Variants in RASA1 observed in about 807,000 individuals in gnomAD.
RASA1 encodes ras GTPase-activating protein 1.
Under a neutral mutation model 132.2 loss-of-function variants are expected in RASA1, and 25 were observed. The ratio of observed to expected loss-of-function variants is 0.19; its 90% CI spans 0.14 to 0.26. The LOEUF (loss-of-function observed/expected upper bound fraction) is 0.26, where lower values mean the gene tolerates loss of function less well. RASA1 is among the 10% of genes least tolerant of loss of function. The pLI is 1.00. For missense variants in RASA1, 964 were observed against 1,299.2 expected (o/e 0.74, Z 3.97); for synonymous variants, 477 against 449.9 (o/e 1.06, Z -0.76).
intron 1 of RASA1, among the ~76,000 whole-genome samples, chr5:87,298,933 T>C (rs1755235899): frequency 6.6e-6 from 1 of 152,200 alleles, no homozygotes; most frequent in Non-Finnish European, 1.5e-5. Flanking sequence ...CTGTGACTTT[T>C]TGACAGTTAA....
chr5:87,309,004 T>C (rs747104011), intron 1 of RASA1, among the ~76,000 whole-genome samples: 13 of 152,304 alleles, frequency 8.5e-5, no homozygotes, highest in Non-Finnish European at 1.9e-4. Flanking sequence ...ATAGGCAATG[T>C]ATATTTTCAC....
At chr5:87,341,581 CATT>C (rs1438088063) in intron 6 of RASA1, among the ~76,000 whole-genome samples, 2 of 152,078 alleles carry the variant, frequency 1.3e-5, no homozygotes, top group Non-Finnish European at 2.9e-5. Context: ...ACATTTATAA[CATT>C]ATGAATGTCA....
chr5:87,287,525 C>G (rs1426311035), intron 1 of RASA1, among the ~76,000 whole-genome samples: 1 of 145,110 alleles, frequency 6.9e-6, no homozygotes, highest in Non-Finnish European at 1.5e-5. Context: ...CATATATATA[C>G]CATATATATA....
chr5:87,332,803 T>C (rs1757693060), intron 3 of RASA1, among the ~76,000 whole-genome samples, 161 bp downstream of exon 3: 1 of 151,898 alleles, frequency 6.6e-6, no homozygotes, highest in Non-Finnish European at 1.5e-5. Context: ...GACAACTTCT[T>C]TGAAAAAAAA....
Position 87,338,099 on chromosome 5 carries a change from T to C in RASA1, c.1017+8T>C. On this transcript the variant is annotated splice_region_variant and intron_variant, in intron 5 of 24. Transcript: ENST00000274376. Reference sequence around the variant, plus strand: ...GACCTAGTAGAAGAGGTGGTAAGTTTTGTTCTTTTCTTCTCAATTCTAGAT... The same window carrying C: ...GACCTAGTAGAAGAGGTGGTAAGTTCTGTTCTTTTCTTCTCAATTCTAGAT... The C allele has an allele frequency of 6.2e-7, 1 of 1,611,940 alleles. No individual in the cohort carries two copies. The highest frequency in any genetic ancestry group is 8.5e-7 in the Non-Finnish European group (1 of 1,178,874).
intron 19 of RASA1, among the ~76,000 whole-genome samples, 159 bp from the exon 20 acceptor site, chr5:87,380,350 C>T (rs780041031): frequency 6.6e-6 from 1 of 152,038 alleles, no homozygotes; most frequent in African/African-American, 2.4e-5. Flanking sequence ...TTTCCTTACC[C>T]CTTGCTAAAT....
chr5:87,289,785 T>C (rs1017275910), intron 1 of RASA1, among the ~76,000 whole-genome samples: 2 of 152,248 alleles, frequency 1.3e-5, no homozygotes, highest in East Asian at 3.9e-4. Context: ...TAATGCTTTA[T>C]TTTTTGTATA....
intron 13 of RASA1, among the ~76,000 whole-genome samples, chr5:87,372,545 C>T (rs1236102808): frequency 6.6e-6 from 1 of 152,126 alleles, no homozygotes; most frequent in African/African-American, 2.4e-5. Context: ...TAGCACTAAT[C>T]CCAATAAACT....
intron 7 of RASA1, 127 bp from the exon 8 acceptor site, chr5:87,349,087 A>G (rs1013420952): frequency 8.3e-7 from 1 of 1,202,408 alleles, no homozygotes; most frequent in African/African-American, 1.6e-5. Flanking sequence ...ATCTTAAAAA[A>G]AAAACAAGTT....
intron 1 of RASA1, among the ~76,000 whole-genome samples, chr5:87,310,865 A>T (rs1312796060): frequency 2.0e-5 from 3 of 152,218 alleles, no homozygotes; most frequent in Non-Finnish European, 4.4e-5. Flanking sequence ...CAAATGATTC[A>T]TTATCAAGTA....
At chr5:87,347,574 C>G (rs940217103) in intron 7 of RASA1, among the ~76,000 whole-genome samples, 42 of 151,826 alleles carry the variant, frequency 2.8e-4, no homozygotes, top group African/African-American at 9.7e-4. Context: ...GGTGATAACC[C>G]TAATTATAGA....
At chr5:87,373,403 A>G (rs949292077) in intron 13 of RASA1, among the ~76,000 whole-genome samples, 1 of 152,214 alleles carries the variant, frequency 6.6e-6, no homozygotes, top group East Asian at 1.9e-4. Context: ...ACGGGACTTG[A>G]GCATCTTGGG....
chr5:87,344,082 G>A (rs1758670464), intron 6 of RASA1, among the ~76,000 whole-genome samples: 1 of 152,126 alleles, frequency 6.6e-6, no homozygotes, highest in African/African-American at 2.4e-5. Flanking sequence ...TAGCAGGGAA[G>A]GGGGGATACA....
intron 11 of RASA1, among the ~76,000 whole-genome samples, chr5:87,369,304 A>G (rs1022378062): frequency 3.3e-5 from 5 of 152,192 alleles, no homozygotes; most frequent in African/African-American, 4.8e-5. Context: ...GTTGTACACA[A>G]CTGTTCACTT....
intron 17 of RASA1, among the ~76,000 whole-genome samples, chr5:87,378,155 G>C (rs1381903078): frequency 6.6e-6 from 1 of 152,108 alleles, no homozygotes; most frequent in Non-Finnish European, 1.5e-5. Flanking sequence ...TTTTCCATAT[G>C]AACATGGCAG....
intron 1 of RASA1, among the ~76,000 whole-genome samples, chr5:87,292,821 T>G (rs1754965724): frequency 6.6e-6 from 1 of 152,188 alleles, no homozygotes; most frequent in African/African-American, 2.4e-5. Context: ...TTATCTTCCA[T>G]CATAGTTTTG....
intron 1 of RASA1, among the ~76,000 whole-genome samples, chr5:87,276,697 A>G (rs967097232): frequency 8.5e-5 from 13 of 152,208 alleles, no homozygotes; most frequent in Non-Finnish European, 1.8e-4. Context: ...CTGAAATTTC[A>G]TACCATAATT....
At chr5:87,287,160 T>C (rs62644435) in intron 1 of RASA1, among the ~76,000 whole-genome samples, 64,089 of 141,176 alleles carry the variant, frequency 0.45, 14,538 homozygotes, top group East Asian at 0.52. Flanking sequence ...ATATATACAC[T>C]GTATATATAC....
chr5:87,352,284 A>G (rs1759329837), intron 8 of RASA1, among the ~76,000 whole-genome samples: 1 of 150,402 alleles, frequency 6.6e-6, no homozygotes, highest in South Asian at 2.1e-4. Context: ...TAGTATAGGG[A>G]AGATAACATA....
Sources: allele counts gnomAD v4.1 joint callset (sites outside exome capture counted in the v4.1 genomes callset), GRCh38; gene constraint gnomAD v4.1.1; transcripts MANE v1.5; gene names NCBI Gene and HGNC (gene_info 2026-07-23, HGNC 2026-07-21).